The following EML2 variants were observed in gnomAD, a reference collection of about 807,000 sequenced individuals.
EML2 encodes echinoderm microtubule-associated protein-like 2.
In EML2, 59 loss-of-function variants were observed where a neutral mutation model predicts 84.7. That is an observed-to-expected ratio of 0.70 (90% confidence interval 0.56 to 0.86). EML2 has a LOEUF of 0.86. Ranked by LOEUF, EML2 falls within the 40% of genes least tolerant of loss-of-function variation. EML2 has a pLI of 0.00. For missense variants in EML2, 818 were observed against 855.6 expected (o/e 0.96, Z 0.55); for synonymous variants, 352 against 348.9 (o/e 1.01, Z -0.10).
upstream of EML2, chr19:45,645,498 G>C: frequency 7.2e-7 from 1 of 1,390,284 alleles, no homozygotes; most frequent in Non-Finnish European, 9.3e-7. Flanking sequence ...CGGCGCTGGG[G>C]TCATCCCCAG....
chr19:45,642,160 G>A (rs1038209278), upstream of EML2: 13 of 1,516,988 alleles, frequency 8.6e-6, no homozygotes, highest in African/African-American at 1.7e-4. Context: ...TAAGCGCGGA[G>A]GCGCCCGGCC....
chr19:45,641,565 G>C (rs773240293), upstream of EML2: 107 of 1,427,548 alleles, frequency 7.5e-5, no homozygotes, highest in Non-Finnish European at 7.4e-5. Context: ...CGACCTCGTG[G>C]CCTGGGGCAT....
upstream of EML2, chr19:45,643,854 G>A: frequency 8.5e-7 from 1 of 1,181,960 alleles, no homozygotes; most frequent in Non-Finnish European, 1.1e-6. Flanking sequence ...GGAGCCTCCT[G>A]AGGTCAGAAG....
upstream of EML2, chr19:45,641,630 C>T: frequency 6.5e-7 from 1 of 1,535,812 alleles, no homozygotes; most frequent in Non-Finnish European, 8.7e-7. Context: ...TGACGCCGCC[C>T]CAGTCCTTAC....
upstream of EML2, chr19:45,643,598 CA>C: frequency 6.5e-7 from 1 of 1,536,190 alleles, no homozygotes; most frequent in Non-Finnish European, 8.7e-7. Flanking sequence ...TTGCTGACCA[CA>C]ACCAAGGAAG....
At chr19:45,624,958 T>G (rs1972133479) in intron 8 of EML2, 140 bp from the exon 9 acceptor site, 1 of 635,130 alleles carries the variant, frequency 1.6e-6, no homozygotes, top group Non-Finnish European at 2.8e-6. Flanking sequence ...GGAGCATCCC[T>G]TCTCCCACCT....
chr19:45,638,469 GA>G, intron 3 of EML2, 35 bp downstream of exon 3: 1 of 1,613,236 alleles, frequency 6.2e-7, no homozygotes, highest in Non-Finnish European at 8.5e-7. Flanking sequence ...CTCCTGGGGG[GA>G]TGGGAGCACC....
chr19:45,613,506 AC>A (rs773869032), intron 18 of EML2, 34 bp downstream of exon 18: 38 of 1,608,674 alleles, frequency 2.4e-5, no homozygotes, highest in Non-Finnish European at 3.1e-5. Flanking sequence ...CCTGCTTGCT[AC>A]CCCCGTCCAT....
intron 6 of EML2, among the ~76,000 whole-genome samples, chr19:45,630,464 A>T (rs372633726): frequency 7.3e-5 from 11 of 150,676 alleles, no homozygotes; most frequent in African/African-American, 2.7e-4. Context: ...GAGGCAGGAG[A>T]ATCGCTTGAA....
chr19:45,627,934 G>A (rs1157316568), intron 7 of EML2, among the ~76,000 whole-genome samples: 2 of 152,134 alleles, frequency 1.3e-5, no homozygotes, highest in African/African-American at 4.8e-5. Flanking sequence ...GGTGGTGCAT[G>A]CCTGTAATCC....
At chr19:45,634,882 C>T (rs1266547413) in intron 3 of EML2, among the ~76,000 whole-genome samples, 1 of 150,816 alleles carries the variant, frequency 6.6e-6, no homozygotes, top group Admixed American at 6.6e-5. Flanking sequence ...GACGCAGTCT[C>T]GCTCTGTCTC....
intron 3 of EML2, among the ~76,000 whole-genome samples, chr19:45,637,656 CTTTTTCTTTTCTTTTTTTT>C (rs1568486577): frequency 0.28 from 27,377 of 98,510 alleles, 3,081 homozygotes; most frequent in Middle Eastern, 0.35. Context: ...TTTTTTTTTT[CTTTTTCTTTTCTTTTTTTT>C]TTTTTTTTTT....
intron 8 of EML2, 81 bp from the exon 9 acceptor site, chr19:45,624,899 G>A (rs979385599): frequency 1.7e-5 from 17 of 985,094 alleles, no homozygotes; most frequent in African/African-American, 1.6e-4. Flanking sequence ...ACCCAGGACC[G>A]TGGCCAGGCA....
rs1314711500 is a variant in EML2, at chr19:45,634,332, C to T, written c.319G>A (p.Asp107Asn). ...RQRHYLGHND[D>N]IKCLAIHPDM... ...TGTCCCACATCTCACCATTTGATGT[C>T]ATCGTTGTGTCCCAGGTAGTGTCGC... Residue 107 changes from aspartate to asparagine, a missense_variant, in exon 4 of 19, where the codon GAC becomes AAC. Physicochemically the swap from Asp to Asn is conservative, Grantham distance 23 (BLOSUM62 1). Transcript: ENST00000245925. 3 of 1,613,330 alleles carry T rather than the reference C, an allele frequency of 1.9e-6. No individual in the cohort carries two copies. The highest frequency in any genetic ancestry group is 1.1e-5 in the South Asian group (1 of 91,064).
At chr19:45,643,478 G>A (rs542785433), upstream of EML2, 8 of 1,432,288 alleles carry the variant, frequency 5.6e-6, no homozygotes, top group Admixed American at 4.0e-5. Context: ...CAGCCAAAAT[G>A]ACTCCCCGAG....
Position 45,616,829 on chromosome 19 carries a change from G to C in EML2, c.1347C>G (p.Thr449=), listed in dbSNP as rs1971140701. The change falls in exon 14 of 19, where the codon ACC becomes ACG. Residue 449 remains threonine (T), a synonymous_variant. Coordinates refer to ENST00000245925, the MANE Select transcript of EML2 (RefSeq NM_012155.4). The stretch of plus-strand genomic sequence containing the variant: ...CTGTGTGGATAGCCACCAGGTCATG[G>C]GTCTCCGTGTCCAGCAGCAGCCATC... ...TGRWLLLDTE[T]HDLVAIHTDG... 2.5e-6 allele frequency: 4 copies of C among 1,613,210 alleles called. No individual in the cohort carries two copies. Among genetic ancestry groups the C allele is most frequent in the Non-Finnish European group, 2.5e-6 (3 of 1,179,914 alleles).
intron 7 of EML2, 84 bp downstream of exon 7, chr19:45,629,867 A>G: frequency 2.7e-6 from 3 of 1,092,658 alleles, no homozygotes; most frequent in Non-Finnish European, 1.4e-6. Flanking sequence ...ACACGGGTCT[A>G]TCTGATTGCA....
intron 9 of EML2, 79 bp from the exon 10 acceptor site, chr19:45,621,716 G>T: frequency 7.0e-7 from 1 of 1,432,598 alleles, no homozygotes; most frequent in Non-Finnish European, 9.3e-7. Flanking sequence ...GAACTCTCAA[G>T]CCTATGTCCA....
upstream of EML2, chr19:45,643,660 G>A (rs1472647111): frequency 1.0e-5 from 16 of 1,535,956 alleles, no homozygotes; most frequent in Admixed American, 2.0e-5. Context: ...GACGGGGACA[G>A]GGCGTGGAGC....
Sources: gnomAD v4.1 joint callset for allele counts (sites outside exome capture counted in the v4.1 genomes callset) on GRCh38, gnomAD v4.1.1 for gene constraint, MANE v1.5 for transcripts, NCBI Gene and HGNC (gene_info 2026-07-23, HGNC 2026-07-21) for gene names.